POU6F2: variants seen among roughly 807,000 people sequenced by gnomAD.
POU6F2 encodes the protein POU class 6 homeobox 2, also known as POU domain, class 6, transcription factor 2.
In POU6F2, 31 loss-of-function variants were observed where a neutral mutation model predicts 71.3. The ratio of observed to expected loss-of-function variants is 0.43; its 90% CI spans 0.33 to 0.59. The LOEUF (loss-of-function observed/expected upper bound fraction) is 0.59, where lower values mean the gene tolerates loss of function less well. POU6F2 is among the 20% of genes least tolerant of loss of function. The probability of loss-of-function intolerance (pLI) is 0.04; values close to 1 mark genes in which losing one functional copy is unlikely to be tolerated. For missense variants in POU6F2, 783 were observed against 856.8 expected, an observed-to-expected ratio of 0.91 and a Z score of 1.07; for synonymous variants, 347 against 355.7, an observed-to-expected ratio of 0.98 and a Z score of 0.27.
chr7:39,141,399 C>T (rs1039254141), intron 2 of POU6F2, among the ~76,000 whole-genome samples: 1 of 152,112 alleles, frequency 6.6e-6, no homozygotes, highest in Non-Finnish European at 1.5e-5. Flanking sequence ...TTGGAGTTTT[C>T]CAAATCCCAG....
At chr7:39,229,524 C>A (rs888203231) in intron 4 of POU6F2, among the ~76,000 whole-genome samples, 2 of 152,340 alleles carry the variant, frequency 1.3e-5, no homozygotes, top group South Asian at 2.1e-4. Flanking sequence ...AAAGCAGCAG[C>A]TTGGGCCAGC....
intron 4 of POU6F2, among the ~76,000 whole-genome samples, chr7:39,286,287 T>A (rs547496661): frequency 1.3e-5 from 2 of 152,198 alleles, no homozygotes; most frequent in East Asian, 3.8e-4. Flanking sequence ...AGTATTTCTG[T>A]AGCAGGATGG....
chr7:39,360,892 A>G (rs530673998), intron 5 of POU6F2, among the ~76,000 whole-genome samples: 170 of 152,272 alleles, frequency 1.1e-3, no homozygotes, highest in Non-Finnish European at 1.7e-3. Flanking sequence ...TCTCATGGCA[A>G]TCTTGGTTTT....
At chr7:39,303,654 A>G (rs1241784274) in intron 4 of POU6F2, among the ~76,000 whole-genome samples, 2 of 152,210 alleles carry the variant, frequency 1.3e-5, no homozygotes, top group South Asian at 2.1e-4. Context: ...CCTTCAGTCA[A>G]TGTGGGAGCA....
At chr7:39,359,421 A>G (rs1160840988) in intron 5 of POU6F2, among the ~76,000 whole-genome samples, 1 of 152,192 alleles carries the variant, frequency 6.6e-6, no homozygotes, top group Non-Finnish European at 1.5e-5. Context: ...AAAATATTTT[A>G]TTATAAAAGT....
chr7:39,336,649 C>T (rs1186828621), intron 4 of POU6F2, among the ~76,000 whole-genome samples: 1 of 152,182 alleles, frequency 6.6e-6, no homozygotes, highest in African/African-American at 2.4e-5. Flanking sequence ...GATGAGTCTA[C>T]TCCAGCTCCC....
rs563455009 is a variant in POU6F2, at chr7:39,294,423, G to A, written c.599-45219G>A. On this transcript the variant is annotated intron_variant, in intron 4 of 9. Transcript: ENST00000518318. ...AACCTAATACTACACAATCCACTGG[G>A]GAGAAGGAAAAATAAAAAGAGTTAC... 3.3e-5 allele frequency among the ~76,000 whole-genome samples: 5 copies of A among 150,346 alleles called. No homozygotes were observed. In the East Asian group the frequency reaches 1.0e-3, roughly 31 times the overall value.
chr7:39,100,926 C>T (rs1791558220), intron 2 of POU6F2, among the ~76,000 whole-genome samples: 1 of 152,092 alleles, frequency 6.6e-6, no homozygotes, highest in Non-Finnish European at 1.5e-5. Context: ...GAATGAAAAT[C>T]CACATCTTCA....
At chr7:39,234,679 A>G (rs62443970) in intron 4 of POU6F2, among the ~76,000 whole-genome samples, 14,139 of 152,180 alleles carry the variant, frequency 0.093, 801 homozygotes, top group Middle Eastern at 0.15. Context: ...TTTTGTTCCA[A>G]TGATTCCACT....
chr7:39,437,464 G>T (rs1022971899), intron 7 of POU6F2, among the ~76,000 whole-genome samples: 8 of 152,134 alleles, frequency 5.3e-5, no homozygotes, highest in Non-Finnish European at 8.8e-5. Context: ...GATCAGTGGT[G>T]ATATCCCCTT....
At chr7:39,401,913 G>A (rs956685700) in intron 5 of POU6F2, among the ~76,000 whole-genome samples, 1 of 152,130 alleles carries the variant, frequency 6.6e-6, no homozygotes, top group Non-Finnish European at 1.5e-5. Context: ...AAGGTTTTGA[G>A]GCAGCTGCAT....
intron 2 of POU6F2, among the ~76,000 whole-genome samples, chr7:39,162,113 C>G (rs1363738021): frequency 6.6e-6 from 1 of 152,038 alleles, no homozygotes; most frequent in Non-Finnish European, 1.5e-5. Flanking sequence ...GACATGTGGT[C>G]AGGGGCTGTG....
chr7:39,054,145 A>G (rs1254078581), intron 1 of POU6F2, among the ~76,000 whole-genome samples: 1 of 152,104 alleles, frequency 6.6e-6, no homozygotes, highest in African/African-American at 2.4e-5. Flanking sequence ...AAAAATCTCT[A>G]AACACTTTAA....
At chr7:39,302,823 CAAT>C (rs1238118908) in intron 4 of POU6F2, among the ~76,000 whole-genome samples, 4 of 152,202 alleles carry the variant, frequency 2.6e-5, no homozygotes, top group South Asian at 2.1e-4. Context: ...AGGCATACAA[CAAT>C]GACTGAGTGA....
At chr7:39,317,025 G>C (rs376952574) in intron 4 of POU6F2, among the ~76,000 whole-genome samples, 1 of 152,188 alleles carries the variant, frequency 6.6e-6, no homozygotes, top group Non-Finnish European at 1.5e-5. Flanking sequence ...AGACTCTGAT[G>C]TTCTTCCCAA....
intron 4 of POU6F2, among the ~76,000 whole-genome samples, chr7:39,317,283 A>G (rs7805623): frequency 0.69 from 104,311 of 151,994 alleles, 35,826 homozygotes; most frequent in Admixed American, 0.77. Context: ...AGAGGCTGCC[A>G]ACATGATGGG....
chr7:38,986,949 G>A (rs1180572835), intron 1 of POU6F2, among the ~76,000 whole-genome samples: 9 of 152,058 alleles, frequency 5.9e-5, no homozygotes, highest in Admixed American at 5.9e-4. Flanking sequence ...CTTCTCTGTA[G>A]TACTCCCTTT....
At position 39,357,178 on chromosome 7, in the gene POU6F2, A is replaced by G. The variant is rs576336970; in HGVS notation, c.972+17163A>G. Reference sequence around the variant, plus strand: ...CTACCTTGAGTGCACCTCACACCCCACTATTGGATGCCTGGGACTCTCACA... The same window carrying G: ...CTACCTTGAGTGCACCTCACACCCCGCTATTGGATGCCTGGGACTCTCACA... On this transcript the variant is annotated intron_variant, in intron 5 of 9. Coordinates refer to ENST00000518318, the MANE Select transcript of POU6F2 (RefSeq NM_001370959.1). Among the ~76,000 whole-genome samples the G allele has an allele frequency of 2.0e-5, 3 of 152,274 alleles. No individual in the cohort carries two copies. In the South Asian group the frequency reaches 6.2e-4, roughly 32 times the overall value.
rs548725100 is a variant in POU6F2 at position 39,259,476 on chromosome 7, T to C, written c.598+51856T>C. 1.8e-3 allele frequency among the ~76,000 whole-genome samples: 279 copies of C among 152,062 alleles called. 2 individuals are homozygous for C. Among genetic ancestry groups the C allele is most frequent in the African/African-American group, 6.5e-3 (268 of 41,488 alleles). On this transcript the variant is annotated intron_variant, in intron 4 of 9. Coordinates refer to ENST00000518318, the MANE Select transcript of POU6F2 (RefSeq NM_001370959.1). Reference sequence around the variant, plus strand: ...AGATGACTGAGGAGTCCAAAGACTGTGGGAAGTCAAAAGGCAAGCGAGAAG... The same window carrying C: ...AGATGACTGAGGAGTCCAAAGACTGCGGGAAGTCAAAAGGCAAGCGAGAAG...
Sources: allele counts gnomAD v4.1 joint callset (sites outside exome capture counted in the v4.1 genomes callset), GRCh38; gene constraint gnomAD v4.1.1; transcripts MANE v1.5; gene names NCBI Gene and HGNC (gene_info 2026-07-23, HGNC 2026-07-21).